Variants in ZBBX observed in about 807,000 individuals in gnomAD.
The protein encoded by ZBBX is zinc finger B-box domain containing, also known as zinc finger B-box domain-containing protein 1.
A neutral mutation model predicts 108.5 loss-of-function variants in ZBBX; 101 were observed. The ratio of observed to expected loss-of-function variants is 0.93; its 90% CI spans 0.79 to 1.10. ZBBX has a LOEUF of 1.10. ZBBX is among the 50% of genes least tolerant of loss of function. The pLI, the probability that ZBBX is intolerant of heterozygous loss-of-function variation, is 0.00. For missense variants in ZBBX, 1,009 were observed against 941.4 expected, an observed-to-expected ratio of 1.07 and a Z score of -0.94; for synonymous variants, 356 against 323.4, an observed-to-expected ratio of 1.10 and a Z score of -1.08.
the ZBBX span, among the ~76,000 whole-genome samples, chr3:167,217,892 T>A: frequency 8.0e-5 from 1 of 12,428 alleles, no homozygotes; most frequent in Non-Finnish European, 1.7e-4. Flanking sequence ...GTTCTCACTA[T>A]TTTTTTTTTT....
intron 8 of ZBBX, among the ~76,000 whole-genome samples, chr3:167,359,219 A>G (rs1269519640): frequency 6.6e-6 from 1 of 152,196 alleles, no homozygotes; most frequent in Non-Finnish European, 1.5e-5. Flanking sequence ...TTCCATTTAC[A>G]TAAAGTTCAA....
chr3:167,341,404 A>T (rs1740513723), intron 9 of ZBBX, among the ~76,000 whole-genome samples: 1 of 151,932 alleles, frequency 6.6e-6, no homozygotes. Context: ...CATCAAATCC[A>T]GTTAAAATAT....
intron 1 of ZBBX, among the ~76,000 whole-genome samples, chr3:167,390,565 T>C (rs1007682439): frequency 6.6e-6 from 1 of 151,902 alleles, no homozygotes; most frequent in African/African-American, 2.4e-5. Flanking sequence ...ACATTGAATC[T>C]ATAAATTAAT....
intron 8 of ZBBX, among the ~76,000 whole-genome samples, chr3:167,355,953 T>A (rs1181024853): frequency 6.6e-6 from 1 of 152,094 alleles, no homozygotes; most frequent in Non-Finnish European, 1.5e-5. Flanking sequence ...CTGCTGCTTA[T>A]CTTGTCTGGG....
rs180836074 is a variant in ZBBX at position 167,367,915 on chromosome 3, C to T, written c.182+546G>A. ...TAAAATTTCAGCTAACCAGCATTTG[C>T]TAAATATATTTTAAATATACATAAG... is the stretch of plus-strand genomic sequence containing the variant. On this transcript the variant is annotated intron_variant, in intron 5 of 21. Coordinates refer to ENST00000675490, the MANE Select transcript of ZBBX (RefSeq NM_001199201.2). Among the ~76,000 whole-genome samples the T allele has an allele frequency of 5.9e-3, 858 of 145,828 alleles. 11 individuals carry two copies. The highest frequency in any genetic ancestry group is 0.02 in the African/African-American group (814 of 39,936).
intron 17 of ZBBX, among the ~76,000 whole-genome samples, chr3:167,305,167 C>T (rs535287962): frequency 2.5e-3 from 380 of 152,204 alleles, no homozygotes; most frequent in African/African-American, 8.8e-3. Context: ...ACAAAATCTA[C>T]ACCTCTATTT....
At chr3:167,200,554 C>T in the ZBBX span, among the ~76,000 whole-genome samples, 1 of 152,112 alleles carries the variant, frequency 6.6e-6, no homozygotes, top group South Asian at 2.1e-4. Context: ...TAACTGCATA[C>T]GCATCTGGAT....
intron 18 of ZBBX, among the ~76,000 whole-genome samples, chr3:167,297,182 A>G (rs1731826761): frequency 1.3e-5 from 2 of 152,040 alleles, no homozygotes; most frequent in Non-Finnish European, 1.5e-5. Context: ...GTTAATTAAC[A>G]TATGTATTAT....
At chr3:167,297,315 G>A (rs568243446) in intron 18 of ZBBX, among the ~76,000 whole-genome samples, 7 of 151,944 alleles carry the variant, frequency 4.6e-5, no homozygotes, top group African/African-American at 1.7e-4. Flanking sequence ...TTCAACAAAT[G>A]GTGCTGGAAA....
At chr3:167,234,044 T>C in the ZBBX span, among the ~76,000 whole-genome samples, 141 of 151,902 alleles carry the variant, frequency 9.3e-4, no homozygotes, top group African/African-American at 3.3e-3. Context: ...CTCCTTTCCC[T>C]AATCAGGAAA....
At chr3:167,385,526 C>T (rs1747884467) in intron 1 of ZBBX, among the ~76,000 whole-genome samples, 1 of 151,904 alleles carries the variant, frequency 6.6e-6, no homozygotes, top group Admixed American at 6.6e-5. Context: ...GCCTTACCTT[C>T]CTGTAACTTT....
Position 167,282,426 on chromosome 3 carries a change from C to A in ZBBX, c.2066G>T (p.Cys689Phe). The A allele has an allele frequency of 1.9e-6, 3 of 1,614,006 alleles. No individual in the cohort carries two copies. Among genetic ancestry groups the A allele is most frequent in the Non-Finnish European group, 2.5e-6 (3 of 1,179,930 alleles). Residue 689 changes from cysteine (C) to phenylalanine (F), a missense_variant, in exon 20 of 22, where the codon TGC becomes TTC. By Grantham distance (205) the Cys-to-Phe change is radical. Transcript: ENST00000675490. ...TGATCGAGGATGAGAGGATGAAAGG[C>A]AACTGGAGCTTTCTTTAACAGAGTT... The part of the protein sequence containing the change: ...LSNSVKESSS[C>F]LSSSHPRSRS...
At chr3:167,339,335 G>A (rs1338366274) in intron 9 of ZBBX, among the ~76,000 whole-genome samples, 1 of 152,074 alleles carries the variant, frequency 6.6e-6, no homozygotes, top group Non-Finnish European at 1.5e-5. Flanking sequence ...GAAAAACTAT[G>A]AGCACAAAGA....
intron 8 of ZBBX, among the ~76,000 whole-genome samples, chr3:167,356,113 C>A (rs897617752): frequency 6.6e-6 from 1 of 152,062 alleles, no homozygotes; most frequent in African/African-American, 2.4e-5. Context: ...ACTCATAGCT[C>A]CTGTATAATT....
the ZBBX span, among the ~76,000 whole-genome samples, chr3:167,180,627 T>G: frequency 6.6e-6 from 1 of 152,228 alleles, no homozygotes; most frequent in Non-Finnish European, 1.5e-5. Flanking sequence ...TAGATTCAAC[T>G]GCTTGCCCTA....
chr3:167,347,651 A>G (rs2108478019), intron 9 of ZBBX, among the ~76,000 whole-genome samples: 1 of 152,212 alleles, frequency 6.6e-6, no homozygotes, highest in African/African-American at 2.4e-5. Context: ...TAATTCCGTT[A>G]GGTGAAATAA....
intron 20 of ZBBX, among the ~76,000 whole-genome samples, chr3:167,249,948 A>G (rs1160758196): frequency 6.6e-6 from 1 of 152,226 alleles, no homozygotes; most frequent in Non-Finnish European, 1.5e-5. Context: ...CTTACGTAGG[A>G]CTAAGACTAA....
rs377300627 is a variant in ZBBX, at chr3:167,282,388, C to A, written c.2104G>T (p.Ala702Ser). ...SSHPRSRSAA[A>S]QSSSRAASEI... ...GAAGCAGCTCTAGATGATGATTGAG[C>A]AGCTGCACTTCTTGATCGAGGATGA... Residue 702 changes from alanine (A) to serine (S), a missense_variant, in exon 20 of 22, where the codon GCT (alanine) becomes TCT (serine). Ala to Ser is a moderately conservative substitution (Grantham distance 99, BLOSUM62 1). Coordinates refer to ENST00000675490, the MANE Select transcript of ZBBX (RefSeq NM_001199201.2). 4 of 1,614,132 alleles carry A rather than the reference C, an allele frequency of 2.5e-6. No individual in the cohort carries two copies. The highest frequency in any genetic ancestry group is 3.4e-6 in the Non-Finnish European group (4 of 1,180,002).
Position 167,260,675 on chromosome 3 carries a change from T to A in ZBBX, c.2255-18032A>T, listed in dbSNP as rs115296972. On this transcript the variant is annotated intron_variant, in intron 20 of 21. Transcript: ENST00000675490. ...AAAAGTGTGTCCAAAGTTTTCTGAG[T>A]TTTTTATTGTTTTGTCTTTAAGCTA... Among the ~76,000 whole-genome samples, 931 of 152,236 alleles carry A rather than the reference T, an allele frequency of 6.1e-3. 6 individuals are homozygous for A. The highest frequency in any genetic ancestry group is 0.022 in the African/African-American group (903 of 41,528).
Sources: allele counts gnomAD v4.1 joint callset (sites outside exome capture counted in the v4.1 genomes callset), GRCh38; gene constraint gnomAD v4.1.1; transcripts MANE v1.5; gene names NCBI Gene and HGNC (gene_info 2026-07-23, HGNC 2026-07-21).